Variants in NRG1 observed in about 807,000 individuals in gnomAD.
NRG1 encodes the protein pro-neuregulin-1, membrane-bound isoform.
In NRG1, 18 loss-of-function variants were observed where a neutral mutation model predicts 63.8. That is an observed-to-expected ratio of 0.28 (90% confidence interval 0.19 to 0.42). NRG1 has a LOEUF of 0.42. Among genes scored for constraint, NRG1 ranks in the 10% least tolerant of loss-of-function variants. NRG1 has a pLI of 1.00. For missense variants in NRG1, 762 were observed against 814.7 expected, an observed-to-expected ratio of 0.94 and a Z score of 0.79; for synonymous variants, 302 against 301.3, an observed-to-expected ratio of 1.00 and a Z score of -0.02.
intron 1 of NRG1, among the ~76,000 whole-genome samples, chr8:31,843,870 C>T (rs1020718304): frequency 2.6e-5 from 4 of 152,098 alleles, no homozygotes; most frequent in Admixed American, 2.0e-4. Flanking sequence ...TTTCATAGGT[C>T]ATTGTCAATG....
chr8:32,281,445 T>C (rs542051849), intron 1 of NRG1, among the ~76,000 whole-genome samples: 2 of 152,122 alleles, frequency 1.3e-5, no homozygotes, highest in African/African-American at 4.8e-5. Context: ...CCCAAAGTAC[T>C]TGGATTACAG....
chr8:32,317,403 A>G (rs766127959), intron 1 of NRG1, among the ~76,000 whole-genome samples: 2 of 152,200 alleles, frequency 1.3e-5, no homozygotes, highest in Non-Finnish European at 2.9e-5. Flanking sequence ...TTCTTTTGGG[A>G]TCACAATCAG....
intron 1 of NRG1, among the ~76,000 whole-genome samples, chr8:32,525,024 A>G (rs1588112917): frequency 2.0e-5 from 3 of 152,168 alleles, no homozygotes; most frequent in African/African-American, 7.2e-5. Flanking sequence ...TGCCCTCCAG[A>G]GCTATGCCGA....
At chr8:31,973,855 G>A (rs1328680222) in intron 1 of NRG1, among the ~76,000 whole-genome samples, 1 of 152,126 alleles carries the variant, frequency 6.6e-6, no homozygotes, top group East Asian at 1.9e-4. Context: ...AGCATTTAAA[G>A]GGAGATCAAT....
intron 5 of NRG1, among the ~76,000 whole-genome samples, chr8:32,695,370 G>C (rs1466357202): frequency 6.6e-6 from 1 of 150,436 alleles, no homozygotes; most frequent in Non-Finnish European, 1.5e-5. Flanking sequence ...AGAGAGAGAG[G>C]GTGAGAGAGA....
At chr8:31,869,792 A>G (rs1204216588) in intron 1 of NRG1, among the ~76,000 whole-genome samples, 3 of 152,212 alleles carry the variant, frequency 2.0e-5, no homozygotes, top group African/African-American at 7.2e-5. Flanking sequence ...ACAAAAGCCC[A>G]TCAGGGCAGG....
chr8:31,788,953 T>A (rs2881272), intron 1 of NRG1, among the ~76,000 whole-genome samples: 31,206 of 152,070 alleles, frequency 0.21, 4,328 homozygotes, highest in East Asian at 0.64. Flanking sequence ...AAGAAAACAA[T>A]GTATTTTATG....
chr8:32,760,385 G>A (rs139620419), exon 11 of NRG1: 25 of 1,613,714 alleles, frequency 1.5e-5, no homozygotes, highest in Non-Finnish European at 1.9e-5. Context: ...GATTCCTACC[G>A]AGACTCTCCT....
chr8:32,159,363 T>A (rs1368199226), intron 1 of NRG1, among the ~76,000 whole-genome samples: 5 of 149,072 alleles, frequency 3.4e-5, no homozygotes, highest in African/African-American at 1.2e-4. Context: ...TGAAACCCCG[T>A]CTCTACTAAA....
At chr8:31,761,411 C>A (rs549887574) in intron 1 of NRG1, among the ~76,000 whole-genome samples, 42 of 151,928 alleles carry the variant, frequency 2.8e-4, no homozygotes, top group Non-Finnish European at 4.4e-5. Flanking sequence ...ACGTAACTAA[C>A]CTGCACATTG....
At chr8:31,941,499 C>A (rs543841667) in intron 1 of NRG1, among the ~76,000 whole-genome samples, 4 of 152,072 alleles carry the variant, frequency 2.6e-5, no homozygotes, top group Non-Finnish European at 5.9e-5. Context: ...AGGATGCCCA[C>A]TTTCACCACT....
At chr8:31,758,357 A>C (rs1299901557) in intron 1 of NRG1, among the ~76,000 whole-genome samples, 2 of 152,106 alleles carry the variant, frequency 1.3e-5, no homozygotes, top group Non-Finnish European at 2.9e-5. Flanking sequence ...ATGCAATCCC[A>C]TTACTGGGTA....
At chr8:32,645,510 T>C (rs1853333713) in intron 5 of NRG1, among the ~76,000 whole-genome samples, 1 of 152,228 alleles carries the variant, frequency 6.6e-6, no homozygotes, top group Non-Finnish European at 1.5e-5. Context: ...TAATTTCATC[T>C]TGAAGGAAGA....
At chr8:31,676,945 C>A (rs1807766948) in intron 1 of NRG1, among the ~76,000 whole-genome samples, 1 of 152,144 alleles carries the variant, frequency 6.6e-6, no homozygotes, top group Non-Finnish European at 1.5e-5. Flanking sequence ...TGAATGGGAG[C>A]TTTCATGGTT....
At chr8:32,052,948 C>G (rs1214147166) in intron 1 of NRG1, among the ~76,000 whole-genome samples, 1 of 152,112 alleles carries the variant, frequency 6.6e-6, no homozygotes, top group East Asian at 1.9e-4. Flanking sequence ...TTTGATCTGG[C>G]CAATGTGGTT....
At chr8:32,413,975 C>G (rs1045282288) in intron 1 of NRG1, among the ~76,000 whole-genome samples, 2 of 150,802 alleles carry the variant, frequency 1.3e-5, no homozygotes, top group Non-Finnish European at 1.5e-5. Context: ...TTAAATGATG[C>G]CTAGGATATC....
At chr8:32,077,560 A>T (rs1826780373) in intron 1 of NRG1, among the ~76,000 whole-genome samples, 1 of 152,168 alleles carries the variant, frequency 6.6e-6, no homozygotes, top group Non-Finnish European at 1.5e-5. Context: ...GCGTTTTAGC[A>T]TTTTTAAATT....
chr8:32,546,425 T>C (rs1833077097), upstream of NRG1, among the ~76,000 whole-genome samples: 1 of 152,196 alleles, frequency 6.6e-6, no homozygotes, highest in Non-Finnish European at 1.5e-5. Flanking sequence ...TAGTGTATAC[T>C]AAGCCCTTAT....
intron 1 of NRG1, among the ~76,000 whole-genome samples, chr8:31,871,841 A>C (rs1829514111): frequency 6.6e-6 from 1 of 152,210 alleles, no homozygotes; most frequent in Non-Finnish European, 1.5e-5. Flanking sequence ...TTCCTTTATA[A>C]AAAATTGATT....
Sources: gnomAD v4.1 joint callset for allele counts (sites outside exome capture counted in the v4.1 genomes callset) on GRCh38, gnomAD v4.1.1 for gene constraint, MANE v1.5 for transcripts, NCBI Gene and HGNC (gene_info 2026-07-23, HGNC 2026-07-21) for gene names.